The following PTPRN2 variants were observed in gnomAD, a reference collection of about 807,000 sequenced individuals.
PTPRN2 encodes the protein protein tyrosine phosphatase receptor type N2.
In PTPRN2, 74 loss-of-function variants were observed where a neutral mutation model predicts 118.8. The ratio of observed to expected loss-of-function variants is 0.62; its 90% CI spans 0.52 to 0.76. The LOEUF is 0.76. PTPRN2 is among the 30% of genes least tolerant of loss of function. PTPRN2 has a pLI of 0.00. For missense variants in PTPRN2, 1,481 were observed against 1,394.4 expected, an observed-to-expected ratio of 1.06 and a Z score of -0.99; for synonymous variants, 641 against 608.0, an observed-to-expected ratio of 1.05 and a Z score of -0.80.
intron 2 of PTPRN2, among the ~76,000 whole-genome samples, chr7:158,469,122 T>A (rs1428230782): frequency 2.0e-5 from 3 of 151,866 alleles, no homozygotes; most frequent in African/African-American, 7.3e-5. Context: ...ATCAACAGTG[T>A]CAGGCTTTCA....
rs756223806 is a variant in PTPRN2 at position 158,015,439 on chromosome 7, TGA to T, written c.1723+65857_1723+65858del. The stretch of plus-strand genomic sequence containing the variant: ...GAGATGGGGAGAGAGAGGGAAAAAG[TGA>T]GAGGAGGGGTGGTGAGAGAGAGAGA... On this transcript the variant is annotated intron_variant, in intron 11 of 22. Coordinates refer to ENST00000389418, the MANE Select transcript of PTPRN2 (RefSeq NM_002847.5). This position sits in a 1 kb window ranked among gnomAD's most constrained non-coding sequence, Gnocchi z 4.2. Among the ~76,000 whole-genome samples the T allele has an allele frequency of 7.4e-6, 1 of 135,868 alleles. No homozygotes were observed. The highest frequency in any genetic ancestry group is 1.5e-5 in the Non-Finnish European group (1 of 64,712). The allele number at this position is 135,868 out of a possible 152,430, so 89.1% of individuals were successfully genotyped here.
At chr7:157,725,009 C>T (rs2150923116) in intron 12 of PTPRN2, among the ~76,000 whole-genome samples, 1 of 152,348 alleles carries the variant, frequency 6.6e-6, no homozygotes, top group East Asian at 1.9e-4. Flanking sequence ...ATGTACTGAT[C>T]TGAAATAAAA....
At chr7:157,719,772 C>T (rs796569985) in intron 12 of PTPRN2, among the ~76,000 whole-genome samples, 8 of 152,366 alleles carry the variant, frequency 5.3e-5, no homozygotes, top group Non-Finnish European at 7.3e-5. Flanking sequence ...CCGGCCTTCC[C>T]GCAGTTGCCC....
chr7:158,346,094 TG>T (rs1807492826), intron 2 of PTPRN2, among the ~76,000 whole-genome samples: 1 of 152,212 alleles, frequency 6.6e-6, no homozygotes, highest in Non-Finnish European at 1.5e-5. Flanking sequence ...ATGAATACAA[TG>T]TGGAATAATT....
chr7:158,144,410 G>T (rs902724087), intron 6 of PTPRN2, among the ~76,000 whole-genome samples: 3 of 152,156 alleles, frequency 2.0e-5, no homozygotes, highest in Non-Finnish European at 2.9e-5. Flanking sequence ...GGCCAAGGTG[G>T]GCGGATTTCT....
At chr7:158,342,407 C>G (rs555342810) in intron 2 of PTPRN2, among the ~76,000 whole-genome samples, 2 of 131,328 alleles carry the variant, frequency 1.5e-5, no homozygotes, top group Admixed American at 1.5e-4. Flanking sequence ...TCACTCACAC[C>G]CACACTCTCA....
intron 9 of PTPRN2, among the ~76,000 whole-genome samples, chr7:158,121,344 T>A (rs1817156858): frequency 2.6e-5 from 4 of 152,222 alleles, no homozygotes; most frequent in Admixed American, 2.0e-4. Context: ...ACTCCCTGTG[T>A]GCTTTGATCA....
At chr7:157,679,071 T>TGG (rs1796798215) in intron 13 of PTPRN2, among the ~76,000 whole-genome samples, 1 of 152,200 alleles carries the variant, frequency 6.6e-6, no homozygotes, top group African/African-American at 2.4e-5. Context: ...ACATTATCCT[T>TGG]AGTGTGTGTG....
At chr7:158,343,358 C>T (rs950796614) in intron 2 of PTPRN2, among the ~76,000 whole-genome samples, 9 of 152,160 alleles carry the variant, frequency 5.9e-5, no homozygotes, top group Admixed American at 2.0e-4. Context: ...ACCTACTGCC[C>T]GCTCAGCAGG....
intron 12 of PTPRN2, among the ~76,000 whole-genome samples, chr7:157,754,844 C>G (rs558344029): frequency 6.6e-6 from 1 of 152,306 alleles, no homozygotes; most frequent in East Asian, 1.9e-4. Flanking sequence ...CACTCTGCAG[C>G]GGGGTGTGCT....
chr7:157,796,764 G>A (rs576694064), intron 12 of PTPRN2, among the ~76,000 whole-genome samples: 75 of 152,312 alleles, frequency 4.9e-4, no homozygotes, highest in African/African-American at 1.6e-3. Context: ...CACGGTGGGC[G>A]TAGGCGCAAG....
intron 22 of PTPRN2, among the ~76,000 whole-genome samples, chr7:157,544,358 C>T (rs1317854344): frequency 2.0e-5 from 3 of 152,208 alleles, no homozygotes; most frequent in East Asian, 1.9e-4. Context: ...GTCTGGGCAA[C>T]GCCCTGCTTC....
intron 12 of PTPRN2, chr7:157,865,170 A>G (rs1810558020): frequency 6.6e-6 from 1 of 152,252 alleles, no homozygotes; most frequent in African/African-American, 2.4e-5. Flanking sequence ...GCTGCCGGGA[A>G]ATGGAGGTCC....
intron 2 of PTPRN2, among the ~76,000 whole-genome samples, chr7:158,343,454 C>T (rs11773551): frequency 0.21 from 32,629 of 152,122 alleles, 3,897 homozygotes; most frequent in Middle Eastern, 0.32. Context: ...CCCTGTGCTC[C>T]GCGGGCAGGA....
intron 14 of PTPRN2, among the ~76,000 whole-genome samples, chr7:157,645,447 G>A (rs986644462): frequency 1.4e-4 from 21 of 152,226 alleles, no homozygotes; most frequent in Admixed American, 5.9e-4. Flanking sequence ...TGCAGGGAAT[G>A]TGGCAGTATC....
chr7:158,319,973 TCA>T (rs757005033), intron 2 of PTPRN2, among the ~76,000 whole-genome samples: 7 of 27,436 alleles, frequency 2.6e-4, no homozygotes, highest in South Asian at 2.4e-3. Flanking sequence ...ACAGCCTCCC[TCA>T]CACACACACA....
chr7:157,746,049 T>C (rs1486121677), intron 12 of PTPRN2, among the ~76,000 whole-genome samples: 1 of 115,244 alleles, frequency 8.7e-6, no homozygotes, highest in Non-Finnish European at 1.8e-5. Flanking sequence ...GGGCCCTGAG[T>C]GTGGAGATCA....
intron 2 of PTPRN2, among the ~76,000 whole-genome samples, chr7:158,462,479 G>C (rs1819077288): frequency 6.6e-6 from 1 of 152,196 alleles, no homozygotes; most frequent in Admixed American, 6.5e-5. Flanking sequence ...CAGAGTCCTA[G>C]AGATGATATG....
Position 158,402,162 on chromosome 7 carries a change from GC to G in PTPRN2, c.164-85231del, listed in dbSNP as rs559931939. Among the ~76,000 whole-genome samples, 262 of 152,292 alleles carry G rather than the reference GC, an allele frequency of 1.7e-3. 1 individual carries two copies. Among genetic ancestry groups the G allele is most frequent in the African/African-American group, 6.1e-3 (254 of 41,550 alleles). ...GGAAAAGGGAGAACCCCGGAGGACA[GC>G]CCGGTGGGAGAGTGGCTCACAACAA... On this transcript the variant is annotated intron_variant, in intron 2 of 22. Coordinates refer to ENST00000389418, the MANE Select transcript of PTPRN2 (RefSeq NM_002847.5).
Sources: gnomAD v4.1 joint callset for allele counts (sites outside exome capture counted in the v4.1 genomes callset) on GRCh38, gnomAD v4.1.1 for gene constraint, Gnocchi (gnomAD v3.1) non-coding constraint, MANE v1.5 for transcripts, NCBI Gene and HGNC (gene_info 2026-07-23, HGNC 2026-07-21) for gene names.